ATP10B: variants seen among roughly 807,000 people sequenced by gnomAD.
ATP10B encodes phospholipid-transporting ATPase VB.
A neutral mutation model predicts 141.2 loss-of-function variants in ATP10B; 122 were observed. The observed-to-expected ratio is 0.86, with a 90% CI of 0.75 to 1.00. ATP10B has a LOEUF of 1.00. Ranked by LOEUF, ATP10B falls within the 50% of genes least tolerant of loss-of-function variation. ATP10B has a pLI of 0.00. For synonymous variants in ATP10B, 685 were observed against 692.0 expected (o/e 0.99, Z 0.16); for missense variants, 1,876 against 1,825.3 (o/e 1.03, Z -0.51).
intron 2 of ATP10B, among the ~76,000 whole-genome samples, chr5:160,734,590 A>G (rs1320864630): frequency 1.3e-5 from 2 of 152,046 alleles, no homozygotes; most frequent in South Asian, 4.1e-4. Context: ...AAAAATGTGA[A>G]AAGTGTAGCT....
rs201318950 is a variant in ATP10B at position 160,787,149 on chromosome 5, C to T, written c.-575-1346G>A. On this transcript the variant is annotated intron_variant, in intron 1 of 25. Transcript: ENST00000327245. ...ACACACACACACACACACACACACACATTATTTGAACTACATTCACACATT... is the reference window on the plus strand; with the variant it reads ...ACACACACACACACACACACACACATATTATTTGAACTACATTCACACATT... Among the ~76,000 whole-genome samples, 7 of 140,532 alleles carry T rather than the reference C, an allele frequency of 5.0e-5. No homozygotes were observed. In the South Asian group the frequency reaches 1.4e-3, roughly 28 times the overall value. The allele number at this position is 140,532 out of a possible 152,430, so 92.2% of individuals were successfully genotyped here.
At chr5:160,775,112 T>C (rs1471990360) in intron 2 of ATP10B, among the ~76,000 whole-genome samples, 2 of 152,240 alleles carry the variant, frequency 1.3e-5, no homozygotes, top group Non-Finnish European at 2.9e-5. Flanking sequence ...GTAGCAGTTC[T>C]GCAGAAGTCA....
chr5:160,672,567 G>A (rs942576087), intron 6 of ATP10B, among the ~76,000 whole-genome samples: 3 of 152,200 alleles, frequency 2.0e-5, no homozygotes, highest in Non-Finnish European at 4.4e-5. Context: ...TGTGGGATTT[G>A]AAACCAAACT....
the ATP10B span, among the ~76,000 whole-genome samples, chr5:160,866,134 T>A: frequency 8.7e-4 from 133 of 152,190 alleles, no homozygotes; most frequent in African/African-American, 3.1e-3. Context: ...AGCAGCACAA[T>A]TTGCAATTAC....
intron 13 of ATP10B, among the ~76,000 whole-genome samples, chr5:160,631,539 A>G (rs10475686): frequency 0.82 from 125,557 of 152,290 alleles, 51,914 homozygotes; most frequent in Middle Eastern, 0.85. Flanking sequence ...GATATTATTT[A>G]CTTCATAACT....
intron 6 of ATP10B, among the ~76,000 whole-genome samples, chr5:160,673,774 A>C (rs1314031315): frequency 6.6e-6 from 1 of 152,166 alleles, no homozygotes; most frequent in African/African-American, 2.4e-5. Flanking sequence ...CTCAGGGGAT[A>C]ATATTTTTCC....
chr5:160,730,487 C>T (rs961551748), intron 2 of ATP10B, among the ~76,000 whole-genome samples: 13 of 151,964 alleles, frequency 8.6e-5, no homozygotes, highest in Admixed American at 2.6e-4. Flanking sequence ...GAGTTGTTAA[C>T]GATGCATACT....
At chr5:160,620,230 C>A in intron 15 of ATP10B, 117 bp downstream of exon 15, 1 of 1,340,426 alleles carries the variant, frequency 7.5e-7, no homozygotes, top group Non-Finnish European at 1.0e-6. Flanking sequence ...GTCTGTATTC[C>A]AGTTGGGACC....
the ATP10B span, among the ~76,000 whole-genome samples, chr5:160,857,309 A>G: frequency 6.6e-6 from 1 of 151,268 alleles, no homozygotes; most frequent in Non-Finnish European, 1.5e-5. Flanking sequence ...TTTTTTAAGG[A>G]ATTGGTCCAT....
intron 6 of ATP10B, among the ~76,000 whole-genome samples, chr5:160,678,200 C>T (rs963803201): frequency 6.6e-6 from 1 of 152,218 alleles, no homozygotes; most frequent in African/African-American, 2.4e-5. Context: ...CATTATAACC[C>T]TGTCCACTGG....
chr5:160,748,026 G>A (rs895185950), intron 2 of ATP10B, among the ~76,000 whole-genome samples: 1 of 151,400 alleles, frequency 6.6e-6, no homozygotes, highest in Non-Finnish European at 1.5e-5. Flanking sequence ...AGCGGCCGGG[G>A]TTGTGGCGGG....
chr5:160,741,465 C>G (rs529355734), intron 2 of ATP10B, among the ~76,000 whole-genome samples: 1 of 152,120 alleles, frequency 6.6e-6, no homozygotes, highest in African/African-American at 2.4e-5. Context: ...CTTGAGTTGC[C>G]TTCAGTGATG....
the ATP10B span, among the ~76,000 whole-genome samples, chr5:160,914,137 A>G: frequency 6.6e-6 from 1 of 152,198 alleles, no homozygotes; most frequent in East Asian, 1.9e-4. Flanking sequence ...GTGTTTATAT[A>G]TGTATATTTA....
rs557204589 is a variant in ATP10B at position 160,800,768 on chromosome 5, G to A, written c.-575-14965C>T. 9.2e-5 allele frequency among the ~76,000 whole-genome samples: 14 copies of A among 152,280 alleles called. No individual in the cohort carries two copies. In the South Asian group the frequency reaches 2.9e-3, roughly 32 times the overall value. On this transcript the variant is annotated intron_variant, in intron 1 of 25. Transcript: ENST00000327245. ...GCTTCTCAGTGTTTGCTGAGTCTGAGCAGAAAGTATTTTCTAGCTGTGATT... is the reference window on the plus strand; with the variant it reads ...GCTTCTCAGTGTTTGCTGAGTCTGAACAGAAAGTATTTTCTAGCTGTGATT...
upstream of ATP10B, among the ~76,000 whole-genome samples, chr5:160,854,397 A>G (rs551937108): frequency 2.0e-5 from 3 of 151,660 alleles, no homozygotes; most frequent in Middle Eastern, 3.4e-3. Context: ...TCATTGTTCA[A>G]CTCCCACTTA....
chr5:160,821,832 C>T (rs1407294925), intron 1 of ATP10B, among the ~76,000 whole-genome samples: 4 of 152,150 alleles, frequency 2.6e-5, no homozygotes, highest in Non-Finnish European at 4.4e-5. Context: ...ACTAGACCCC[C>T]TATTTCTTGC....
chr5:160,565,654 C>G lies in ATP10B; in HGVS notation c.4185G>C (p.Glu1395Asp). The G allele has an allele frequency of 1.2e-6, 2 of 1,614,122 alleles. No homozygotes were observed. The highest frequency in any genetic ancestry group is 8.5e-7 in the Non-Finnish European group (1 of 1,179,986). The part of the protein sequence containing the change: ...SNPPKRKHVE[E>D]SVLHEQRCGT... ...CACATCTCTGTTCGTGGAGTACTGA[C>G]TCTTCCACATGCTTCCTCTTGGGAG... Residue 1395 changes from glutamate to aspartate, a missense_variant, in exon 26 of 26, where the codon GAG becomes GAC. Transcript: ENST00000327245.
At chr5:160,866,020 C>T in the ATP10B span, among the ~76,000 whole-genome samples, 1 of 152,120 alleles carries the variant, frequency 6.6e-6, no homozygotes, top group Non-Finnish European at 1.5e-5. Flanking sequence ...CCTTAAAGAA[C>T]TAAAAGTAGA....
At chr5:160,906,790 C>T in the ATP10B span, among the ~76,000 whole-genome samples, 4 of 152,028 alleles carry the variant, frequency 2.6e-5, no homozygotes, top group East Asian at 1.9e-4. Context: ...CATCTTGTGA[C>T]GATAAGGTAC....
Sources: gnomAD v4.1 joint callset for allele counts (sites outside exome capture counted in the v4.1 genomes callset) on GRCh38, gnomAD v4.1.1 for gene constraint, MANE v1.5 for transcripts, NCBI Gene and HGNC (gene_info 2026-07-23, HGNC 2026-07-21) for gene names.